The following PLXDC2 variants were observed in gnomAD, a reference collection of about 807,000 sequenced individuals.
PLXDC2 encodes the protein plexin domain-containing protein 2.
Under a neutral mutation model 68.9 loss-of-function variants are expected in PLXDC2, and 40 were observed. The observed-to-expected ratio is 0.58, with a 90% CI of 0.45 to 0.76. The LOEUF (loss-of-function observed/expected upper bound fraction) is 0.76. PLXDC2 is among the 30% of genes least tolerant of loss of function. The probability of loss-of-function intolerance (pLI) is 0.00; values close to 1 mark genes in which losing one functional copy is unlikely to be tolerated. For missense variants in PLXDC2, 644 were observed against 661.9 expected (o/e 0.97, Z 0.30); for synonymous variants, 243 against 234.2 (o/e 1.04, Z -0.34).
intron 1 of PLXDC2, among the ~76,000 whole-genome samples, chr10:19,870,903 A>G (rs1837522361): frequency 2.6e-5 from 4 of 152,248 alleles, no homozygotes; most frequent in Admixed American, 2.6e-4. Flanking sequence ...TGTAATACAT[A>G]CAGCAAAGCA....
intron 1 of PLXDC2, among the ~76,000 whole-genome samples, chr10:19,894,355 C>T (rs1469148302): frequency 6.6e-6 from 1 of 151,720 alleles, no homozygotes; most frequent in East Asian, 1.9e-4. Flanking sequence ...GTAAAATTCT[C>T]CTATATGCCC....
intron 4 of PLXDC2, among the ~76,000 whole-genome samples, chr10:20,089,810 G>T (rs1205876543): frequency 6.6e-6 from 1 of 152,164 alleles, no homozygotes; most frequent in Non-Finnish European, 1.5e-5. Flanking sequence ...GCCCAAGAGA[G>T]AATAATAATT....
rs2119400544 is a variant in PLXDC2, at chr10:20,280,980, T to A, written c.*1161T>A. The A allele has an allele frequency of 6.6e-6, 1 of 152,178 alleles. No individual in the cohort carries two copies. The highest frequency in any genetic ancestry group is 1.5e-5 in the Non-Finnish European group (1 of 67,996). 9.4% of individuals were successfully genotyped at this position (152,178 alleles called of 1,614,324 possible). ...GATCTTGTGACTCTAAGAGTGCGTT[T>A]TGTCATCAAGGCAAAACAGATGCAA... is the stretch of plus-strand genomic sequence containing the variant. On this transcript the variant is annotated 3_prime_UTR_variant, in exon 14 of 14. Coordinates refer to ENST00000377252, the MANE Select transcript of PLXDC2 (RefSeq NM_032812.9).
chr10:20,186,459 T>C (rs1313132429), intron 9 of PLXDC2, among the ~76,000 whole-genome samples: 1 of 151,916 alleles, frequency 6.6e-6, no homozygotes, highest in African/African-American at 2.4e-5. Context: ...GCAGGCTTGT[T>C]ATATAGGTAA....
intron 1 of PLXDC2, among the ~76,000 whole-genome samples, chr10:19,940,721 T>A (rs2131397584): frequency 6.6e-6 from 1 of 152,334 alleles, no homozygotes; most frequent in African/African-American, 2.4e-5. Flanking sequence ...GTACTTTTGA[T>A]ATTTGAAAAG....
chr10:19,828,073 T>C (rs1322176290), intron 1 of PLXDC2, among the ~76,000 whole-genome samples: 1 of 152,206 alleles, frequency 6.6e-6, no homozygotes, highest in African/African-American at 2.4e-5. Flanking sequence ...TCTTAGGAAC[T>C]ATCACGATGG....
chr10:20,107,727 G>C (rs868558098), intron 4 of PLXDC2, among the ~76,000 whole-genome samples: 18 of 152,070 alleles, frequency 1.2e-4, no homozygotes, highest in African/African-American at 3.6e-4. Context: ...GGAGGTTTTT[G>C]AGTATTAGAG....
chr10:20,044,211 GTCTTTCTTTCTTTCTTTCTT>G (rs1226746835), intron 2 of PLXDC2, among the ~76,000 whole-genome samples: 5,493 of 68,464 alleles, frequency 0.08, 304 homozygotes, highest in East Asian at 0.14. Flanking sequence ...CTCTCTCTCT[GTCTTTCTTTCTTTCTTTCTT>G]TCTTTCTTTC....
At chr10:20,102,856 G>A (rs898743422) in intron 4 of PLXDC2, among the ~76,000 whole-genome samples, 1 of 152,168 alleles carries the variant, frequency 6.6e-6, no homozygotes, top group Admixed American at 6.5e-5. Context: ...CCACGGGATA[G>A]GACAAGAACA....
intron 9 of PLXDC2, among the ~76,000 whole-genome samples, chr10:20,195,087 G>T (rs1834819966): frequency 6.6e-6 from 1 of 151,926 alleles, no homozygotes; most frequent in Non-Finnish European, 1.5e-5. Flanking sequence ...TCATAAAATG[G>T]TTCTCAAATT....
At chr10:20,070,083 A>C (rs1836290029) in intron 4 of PLXDC2, among the ~76,000 whole-genome samples, 1 of 152,218 alleles carries the variant, frequency 6.6e-6, no homozygotes, top group African/African-American at 2.4e-5. Context: ...TATTTGGGAT[A>C]GTAAATAATT....
chr10:20,139,277 C>A (rs896600101), intron 4 of PLXDC2, among the ~76,000 whole-genome samples: 4 of 152,212 alleles, frequency 2.6e-5, no homozygotes, highest in Non-Finnish European at 5.9e-5. Context: ...CGTGTATTCG[C>A]TATTATTTGA....
rs1391186920 is a variant in PLXDC2, at chr10:20,267,636, C to G, written c.1474-12067C>G. On this transcript the variant is annotated intron_variant, in intron 13 of 13. Transcript: ENST00000377252. ...TTGAGGGATTCCTTTATTTCCCACT[C>G]CTACACAATTTTCTTGAGCTATTGT... Among the ~76,000 whole-genome samples, 2 of 152,020 alleles carry G rather than the reference C, an allele frequency of 1.3e-5. 1 individual carries two copies. Among genetic ancestry groups the G allele is most frequent in the African/African-American group, 4.8e-5 (2 of 41,378 alleles).
intron 4 of PLXDC2, among the ~76,000 whole-genome samples, chr10:20,081,159 G>A (rs904994778): frequency 6.6e-6 from 1 of 152,180 alleles, no homozygotes; most frequent in Non-Finnish European, 1.5e-5. Context: ...CTGGGGGAAA[G>A]TCATTTCTCC....
At chr10:20,187,814 A>T (rs1187697370) in intron 9 of PLXDC2, among the ~76,000 whole-genome samples, 1 of 151,934 alleles carries the variant, frequency 6.6e-6, no homozygotes, top group African/African-American at 2.4e-5. Context: ...TTTCTTACAG[A>T]AATATTAAAA....
chr10:20,020,178 A>ATTTTTTTTTT lies in PLXDC2; in HGVS notation c.324+18205_324+18214dup, dbSNP rs71388889. ...AAACACATGCCACCACACCCAGCAA[A>ATTTTTTTTTT]TTTTTTTTTTTTTTTTTTTTTTGTA... On this transcript the variant is annotated intron_variant, in intron 2 of 13. Transcript: ENST00000377252. 4.5e-3 allele frequency among the ~76,000 whole-genome samples: 478 copies of ATTTTTTTTTT among 107,260 alleles called. 8 individuals are homozygous for ATTTTTTTTTT. Among genetic ancestry groups the ATTTTTTTTTT allele is most frequent in the African/African-American group, 9.9e-3 (240 of 24,160 alleles). 70.4% of individuals were successfully genotyped at this position (107,260 alleles called of 152,430 possible). A position where few individuals can be genotyped will look rare whatever the true frequency, so the allele number is the denominator to read the frequency against.
chr10:19,929,246 A>G (rs934449070), intron 1 of PLXDC2, among the ~76,000 whole-genome samples: 2 of 151,750 alleles, frequency 1.3e-5, no homozygotes, highest in Admixed American at 6.6e-5. Flanking sequence ...AACAACAACA[A>G]CGAAAAGAAC....
chr10:19,851,651 T>C (rs1476461866), intron 1 of PLXDC2, among the ~76,000 whole-genome samples: 1 of 152,174 alleles, frequency 6.6e-6, no homozygotes, highest in Non-Finnish European at 1.5e-5. Context: ...GTTCAAGTGA[T>C]TCTCATGTCT....
chr10:20,139,870 G>A (rs188845948), intron 4 of PLXDC2, among the ~76,000 whole-genome samples: 5,488 of 151,856 alleles, frequency 0.036, 130 homozygotes, highest in South Asian at 0.066. Context: ...GGGGGGCTTC[G>A]GGAGGGATAG....
Sources: gnomAD v4.1 joint callset for allele counts (sites outside exome capture counted in the v4.1 genomes callset) on GRCh38, gnomAD v4.1.1 for gene constraint, MANE v1.5 for transcripts, NCBI Gene and HGNC (gene_info 2026-07-23, HGNC 2026-07-21) for gene names.